The following ADH7 variants were observed in gnomAD, a reference collection of about 807,000 sequenced individuals.
ADH7 encodes the protein all-trans-retinol dehydrogenase [NAD(+)] ADH7.
In ADH7, 41 loss-of-function variants were observed where a neutral mutation model predicts 34.4. That is an observed-to-expected ratio of 1.19 (90% confidence interval 0.93 to 1.55). ADH7 has a LOEUF of 1.55. ADH7 is among the 40% of genes most tolerant of loss of function. The pLI, the probability that ADH7 is intolerant of heterozygous loss-of-function variation, is 0.00. For missense variants in ADH7, 540 were observed against 461.2 expected (o/e 1.17, Z -1.56); for synonymous variants, 180 against 160.9 (o/e 1.12, Z -0.90).
intron 1 of ADH7, chr4:99,432,480 A>G (rs990406894): frequency 1.3e-5 from 2 of 152,230 alleles, no homozygotes; most frequent in Admixed American, 6.5e-5. Context: ...AGTTAAAAAA[A>G]GTCATAAAGG....
chr4:99,422,806 CT>C (rs1032728079), intron 5 of ADH7, among the ~76,000 whole-genome samples: 282 of 138,064 alleles, frequency 2.0e-3, no homozygotes, highest in Non-Finnish European at 3.6e-3. Context: ...GTCAAAGATT[CT>C]TTTTTTTTTC....
At chr4:99,428,318 A>G (rs916886492) in intron 3 of ADH7, 144 bp from the exon 4 acceptor site, 8 of 1,236,206 alleles carry the variant, frequency 6.5e-6, no homozygotes, top group Non-Finnish European at 9.0e-6. Context: ...TTGCCTTCTA[A>G]AGGTTGAGGT....
intron 7 of ADH7, among the ~76,000 whole-genome samples, chr4:99,416,896 C>T (rs1721531607): frequency 6.6e-6 from 1 of 152,136 alleles, no homozygotes; most frequent in South Asian, 2.1e-4. Flanking sequence ...CTATAGTCTT[C>T]CTTCTCAATA....
chr4:99,428,202 T>A, intron 3 of ADH7, 28 bp from the exon 4 acceptor site: 1 of 1,569,380 alleles, frequency 6.4e-7, no homozygotes, highest in Non-Finnish European at 8.8e-7. Context: ...TGATATAAGA[T>A]GCTGTTCATT....
At chr4:99,431,592 G>A (rs1579581335) in intron 1 of ADH7, among the ~76,000 whole-genome samples, 4 of 151,922 alleles carry the variant, frequency 2.6e-5, no homozygotes, top group Admixed American at 1.3e-4. Flanking sequence ...TCTAATATCC[G>A]GCATCTATAA....
chr4:99,413,043 T>C lies in ADH7; in HGVS notation c.*105A>G, dbSNP rs893871405. On this transcript the variant is annotated 3_prime_UTR_variant, in exon 9 of 9. Transcript: ENST00000437033. Reference sequence around the variant, plus strand: ...TCTATGTCTTCAACAAATCTTCTACTTATGCTTGTATTTGTGAGACAGATA... The same window carrying C: ...TCTATGTCTTCAACAAATCTTCTACCTATGCTTGTATTTGTGAGACAGATA... The C allele has an allele frequency of 6.9e-5, 84 of 1,209,886 alleles. No homozygotes were observed. In the African/African-American group the frequency reaches 1.0e-3, roughly 15 times the overall value. The allele number at this position is 1,209,886 out of a possible 1,614,324, so 74.9% of individuals were successfully genotyped here.
intron 5 of ADH7, among the ~76,000 whole-genome samples, chr4:99,427,346 T>G (rs1214115921): frequency 6.6e-6 from 1 of 152,184 alleles, no homozygotes; most frequent in Non-Finnish European, 1.5e-5. Flanking sequence ...AAATTGTACT[T>G]TTTTCTGAGA....
At position 99,413,098 on chromosome 4, in the gene ADH7, G is replaced by C. The variant is rs763040997; in HGVS notation, c.*50C>G. On this transcript the variant is annotated 3_prime_UTR_variant, in exon 9 of 9. Transcript: ENST00000437033. Reference sequence around the variant, plus strand: ...ATTTCAGATGAGGGAACTCTCACAAGAGAAACTCCAGTTCACCATGACAAC... The same window carrying C: ...ATTTCAGATGAGGGAACTCTCACAACAGAAACTCCAGTTCACCATGACAAC... 5 of 1,603,454 alleles carry C rather than the reference G, an allele frequency of 3.1e-6. No individual in the cohort carries two copies. Among genetic ancestry groups the C allele is most frequent in the Non-Finnish European group, 3.4e-6 (4 of 1,171,898 alleles).
At chr4:99,431,076 G>A (rs1170489542) in intron 1 of ADH7, among the ~76,000 whole-genome samples, 1 of 152,186 alleles carries the variant, frequency 6.6e-6, no homozygotes, top group East Asian at 1.9e-4. Flanking sequence ...GGGATTACAG[G>A]TGTGAGCCAC....
chr4:99,421,603 T>G, intron 5 of ADH7, among the ~76,000 whole-genome samples: 1 of 152,198 alleles, frequency 6.6e-6, no homozygotes, highest in East Asian at 1.9e-4. Context: ...AAAGACTTCA[T>G]GACAAAAACA....
intron 8 of ADH7, among the ~76,000 whole-genome samples, chr4:99,414,561 C>T (rs1452265704): frequency 6.6e-6 from 1 of 152,100 alleles, no homozygotes; most frequent in Non-Finnish European, 1.5e-5. Context: ...TCAGAAGCAA[C>T]AAGAGTAGTA....
At chr4:99,429,429 TG>T in intron 2 of ADH7, 102 bp downstream of exon 2, 1 of 748,926 alleles carries the variant, frequency 1.3e-6, no homozygotes, top group East Asian at 2.7e-5. Flanking sequence ...ACTCCAAACA[TG>T]GGAAGCATCT....
intron 5 of ADH7, among the ~76,000 whole-genome samples, chr4:99,426,267 T>A (rs1290616597): frequency 1.3e-5 from 2 of 152,108 alleles, no homozygotes; most frequent in Admixed American, 6.6e-5. Flanking sequence ...TAATGAATCA[T>A]GGAGCTGGTG....
At chr4:99,426,774 C>G (rs931966275) in intron 5 of ADH7, among the ~76,000 whole-genome samples, 1 of 152,138 alleles carries the variant, frequency 6.6e-6, no homozygotes, top group African/African-American at 2.4e-5. Flanking sequence ...GAATTTTAGA[C>G]CAATATCCTT....
rs1444921104 is a variant in ADH7, at chr4:99,428,552, C to G, written c.199G>C (p.Gly67Arg). Residue 67 changes from glycine (G) to arginine (R), a missense_variant, in exon 3 of 9, where the codon GGA (glycine) becomes CGA (arginine). Coordinates refer to ENST00000437033, the MANE Select transcript of ADH7 (RefSeq NM_000673.7). The part of the protein sequence containing the change: ...TMVSKFPVIV[G>R]HEATGIVESI... Reference sequence around the variant, plus strand: ...TCTACAATCCCAGTTGCCTCATGTCCCACAATCACTGGAAACTTGGACACC... The same window carrying G: ...TCTACAATCCCAGTTGCCTCATGTCGCACAATCACTGGAAACTTGGACACC... 1 of 1,613,764 alleles carries G rather than the reference C, an allele frequency of 6.2e-7. No individual in the cohort carries two copies. The highest frequency in any genetic ancestry group is 1.3e-5 in the African/African-American group (1 of 74,882).
At chr4:99,413,300 G>T in intron 8 of ADH7, 128 bp from the exon 9 acceptor site, 1 of 992,358 alleles carries the variant, frequency 1.0e-6, no homozygotes, top group Non-Finnish European at 1.5e-6. Context: ...AATCCTCTGG[G>T]CTCAAAGTCC....
rs1227318771 is a variant in ADH7, at chr4:99,429,607, A to G, written c.45T>C (p.Leu15=). 6.2e-7 allele frequency: 1 copy of G among 1,611,228 alleles called. No homozygotes were observed. Among genetic ancestry groups the G allele is most frequent in the South Asian group, 1.1e-5 (1 of 90,512 alleles). ...TGGAGAAGGGTTGCTTCTGCTCCCAAAGCACAGCTGCTTTGCATTTAATAA... is the reference window on the plus strand; with the variant it reads ...TGGAGAAGGGTTGCTTCTGCTCCCAGAGCACAGCTGCTTTGCATTTAATAA... ...GKVIKCKAAV[L]WEQKQPFSIE... is the part of the protein sequence containing the mutation. The change falls in exon 2 of 9, where the codon CTT becomes CTC. Residue 15 remains leucine (L), a synonymous_variant. Transcript: ENST00000437033.
At chr4:99,417,579 TA>T (rs1163389972) in intron 7 of ADH7, among the ~76,000 whole-genome samples, 1 of 152,138 alleles carries the variant, frequency 6.6e-6, no homozygotes, top group Non-Finnish European at 1.5e-5. Flanking sequence ...CTTGTAACCT[TA>T]TGGTATATTC....
chr4:99,421,547 C>T (rs1484669066), intron 5 of ADH7, among the ~76,000 whole-genome samples: 1 of 152,084 alleles, frequency 6.6e-6, no homozygotes, highest in Non-Finnish European at 1.5e-5. Context: ...CCATAAAAAC[C>T]CTAGAAGAAA....
Sources: allele counts gnomAD v4.1 joint callset (sites outside exome capture counted in the v4.1 genomes callset), GRCh38; gene constraint gnomAD v4.1.1; transcripts MANE v1.5; gene names NCBI Gene and HGNC (gene_info 2026-07-23, HGNC 2026-07-21).